The following FBXO42 variants were observed in gnomAD, a reference collection of about 807,000 sequenced individuals.
The protein encoded by FBXO42 is F-box protein 42.
FBXO42 carries 12 observed loss-of-function variants against 71.7 expected under a neutral mutation model. The observed-to-expected ratio is 0.17, with a 90% CI of 0.11 to 0.27. The LOEUF (loss-of-function observed/expected upper bound fraction) is 0.27. Among genes scored for constraint, FBXO42 ranks in the 10% least tolerant of loss-of-function variants. FBXO42 has a pLI of 1.00. For missense variants in FBXO42, 707 were observed against 911.9 expected, an observed-to-expected ratio of 0.78 and a Z score of 2.89; for synonymous variants, 325 against 327.5, an observed-to-expected ratio of 0.99 and a Z score of 0.08.
Position 16,251,109 on chromosome 1 carries a change from G to A in FBXO42, c.1715C>T (p.Ser572Leu), listed in dbSNP as rs760530903. 1.7e-5 allele frequency: 28 copies of A among 1,614,038 alleles called. No homozygotes were observed. Among genetic ancestry groups the A allele is most frequent in the Non-Finnish European group, 2.4e-5 (28 of 1,180,046 alleles). The change falls in exon 10 of 10, where the codon TCG becomes TTG. Residue 572 changes from serine to leucine, a missense_variant. Ser to Leu is a moderately radical substitution (Grantham distance 145). Transcript: ENST00000375592. The surrounding 1 kb of genome is among the most constrained non-coding windows in gnomAD (Gnocchi z 4.5). ...AIKAMSSKGP[S>L]ASAALSPPLG... Reference sequence around the variant, plus strand: ...AGGAGGACTTAGTGCTGCAGAGGCCGAGGGGCCTTTGGAGGACATCGCTTT... The same window carrying A: ...AGGAGGACTTAGTGCTGCAGAGGCCAAGGGGCCTTTGGAGGACATCGCTTT...
chr1:16,281,468 TTTTG>T (rs939792394), intron 4 of FBXO42, among the ~76,000 whole-genome samples: 7 of 147,978 alleles, frequency 4.7e-5, no homozygotes, highest in African/African-American at 1.6e-4. Context: ...CTTTTTCTTT[TTTTG>T]TTTTTTTTTT....
At chr1:16,276,120 G>A (rs2081899877) in intron 4 of FBXO42, among the ~76,000 whole-genome samples, 1 of 152,078 alleles carries the variant, frequency 6.6e-6, no homozygotes, top group Non-Finnish European at 1.5e-5. Flanking sequence ...GGTGGCTCAC[G>A]CCTGTAATCC....
At chr1:16,331,000 A>T (rs1380957902) in intron 1 of FBXO42, among the ~76,000 whole-genome samples, 1 of 152,162 alleles carries the variant, frequency 6.6e-6, no homozygotes, top group East Asian at 1.9e-4. Context: ...GCGTGCCTGT[A>T]GTCCCAACTA....
intron 1 of FBXO42, among the ~76,000 whole-genome samples, chr1:16,347,971 G>A (rs1483832670): frequency 3.0e-5 from 4 of 134,996 alleles, no homozygotes; most frequent in Non-Finnish European, 4.6e-5. Context: ...CTAGCCTGGC[G>A]ACAGACCCGA....
At chr1:16,275,476 G>C (rs1026892117) in intron 4 of FBXO42, among the ~76,000 whole-genome samples, 1 of 152,024 alleles carries the variant, frequency 6.6e-6, no homozygotes, top group Non-Finnish European at 1.5e-5. Flanking sequence ...TAAAATAGCT[G>C]GGCATAGTGG....
chr1:16,329,457 G>A (rs897944906), intron 1 of FBXO42, among the ~76,000 whole-genome samples: 2 of 151,794 alleles, frequency 1.3e-5, no homozygotes, highest in South Asian at 2.1e-4. Context: ...GGCGGTGTGC[G>A]CCTGTAGTCC....
chr1:16,297,069 G>A (rs1183619539), intron 3 of FBXO42, among the ~76,000 whole-genome samples: 4 of 151,642 alleles, frequency 2.6e-5, no homozygotes, highest in African/African-American at 9.7e-5. Context: ...CTCCCGAGTA[G>A]GTGTAACTGG....
At chr1:16,271,082 G>C (rs576192216) in intron 4 of FBXO42, among the ~76,000 whole-genome samples, 1 of 152,116 alleles carries the variant, frequency 6.6e-6, no homozygotes, top group Non-Finnish European at 1.5e-5. Context: ...AGGACATGCA[G>C]GAAGAGTGTT....
In FBXO42 at chr1:16,352,407, G is replaced by A; in HGVS notation, c.-170C>T. 2.5e-6 allele frequency: 1 copy of A among 399,350 alleles called. No homozygotes were observed. Among genetic ancestry groups the A allele is most frequent in the Non-Finnish European group, 4.4e-6 (1 of 226,968 alleles). 24.7% of individuals were successfully genotyped at this position (399,350 alleles called of 1,614,324 possible). ...CTGGCGGGACCCCGAGCCGCCCGGA[G>A]CCGCCATCTTCCTCCACTCAAACGC... On this transcript the variant is annotated 5_prime_UTR_variant, in exon 1 of 10. Transcript: ENST00000375592.
At chr1:16,279,370 C>T (rs2081936718) in intron 4 of FBXO42, among the ~76,000 whole-genome samples, 1 of 152,126 alleles carries the variant, frequency 6.6e-6, no homozygotes, top group South Asian at 2.1e-4. Context: ...TTTGAGGCTG[C>T]AGTGAACTAG....
At chr1:16,326,739 T>G (rs1319350343) in intron 1 of FBXO42, among the ~76,000 whole-genome samples, 1 of 150,476 alleles carries the variant, frequency 6.6e-6, no homozygotes, top group East Asian at 1.9e-4. Flanking sequence ...ATAGGTGATG[T>G]TTTTTCTAGG....
intron 4 of FBXO42, among the ~76,000 whole-genome samples, chr1:16,278,166 G>A (rs1306424068): frequency 6.6e-6 from 1 of 152,032 alleles, no homozygotes; most frequent in Non-Finnish European, 1.5e-5. Flanking sequence ...AGACCACCCT[G>A]ACCAACATGG....
chr1:16,334,766 G>A (rs2082536101), intron 1 of FBXO42, among the ~76,000 whole-genome samples: 1 of 151,986 alleles, frequency 6.6e-6, no homozygotes, highest in Non-Finnish European at 1.5e-5. Flanking sequence ...CCAAATAGGA[G>A]AAATGCTAAA....
At chr1:16,283,050 G>A (rs1031124192) in intron 4 of FBXO42, among the ~76,000 whole-genome samples, 1 of 152,066 alleles carries the variant, frequency 6.6e-6, no homozygotes, top group Non-Finnish European at 1.5e-5. Flanking sequence ...TCTGCTATGG[G>A]GCCAAGGAAC....
intron 4 of FBXO42, among the ~76,000 whole-genome samples, chr1:16,271,264 T>TTG (rs1553150322): frequency 6.1e-4 from 45 of 73,304 alleles, no homozygotes; most frequent in Non-Finnish European, 1.2e-3. Context: ...TGTTGGTGTG[T>TTG]GTGTGTGTGT....
intron 6 of FBXO42, among the ~76,000 whole-genome samples, chr1:16,254,923 G>GT (rs895099788): frequency 3.9e-5 from 6 of 152,092 alleles, no homozygotes; most frequent in African/African-American, 1.4e-4. Flanking sequence ...CATCCCATTT[G>GT]TTTTTTTCTT....
At chr1:16,352,037 C>A (rs565667035) in intron 1 of FBXO42, among the ~76,000 whole-genome samples, 13 of 152,276 alleles carry the variant, frequency 8.5e-5, no homozygotes, top group African/African-American at 3.1e-4. Context: ...GGTGGGTTCG[C>A]TCCCAACCCA....
At position 16,250,580 on chromosome 1, in the gene FBXO42, A is replaced by G; in HGVS notation, c.*90T>C. On this transcript the variant is annotated 3_prime_UTR_variant, in exon 10 of 10. Coordinates refer to ENST00000375592, the MANE Select transcript of FBXO42 (RefSeq NM_018994.3). This position sits in a 1 kb window ranked among gnomAD's most constrained non-coding sequence, Gnocchi z 4.7. ...TAAAGAGTTTTGGCTTCTGGGAGTA[A>G]TTTTGTTTTCCCAATTCTCAGTCCA... 4.1e-6 allele frequency: 6 copies of G among 1,462,264 alleles called. No homozygotes were observed. Among genetic ancestry groups the G allele is most frequent in the Non-Finnish European group, 5.5e-6 (6 of 1,092,698 alleles). The allele number at this position is 1,462,264 out of a possible 1,614,324, so 90.6% of individuals were successfully genotyped here.
Position 16,252,320 on chromosome 1 carries a change from C to A in FBXO42, c.1006G>T (p.Ala336Ser). 3 of 1,614,172 alleles carry A rather than the reference C, an allele frequency of 1.9e-6. No individual in the cohort carries two copies. The highest frequency in any genetic ancestry group is 2.5e-6 in the Non-Finnish European group (3 of 1,179,996). The change falls in exon 9 of 10, where the codon GCC (alanine) becomes TCC (serine). Residue 336 changes from alanine to serine, a missense_variant. By Grantham distance (99) the Ala-to-Ser change is moderately conservative. Transcript: ENST00000375592. The surrounding 1 kb of genome is among the most constrained non-coding windows in gnomAD (Gnocchi z 4.4). ...GCTGGATGGCACCACAGTTCTGGGG[C>A]CCCATGCTCTTCATTTTCTACCTTG... ...PLKVENEEHG[A>S]PELWCHPACR...
Sources: gnomAD v4.1 joint callset for allele counts (sites outside exome capture counted in the v4.1 genomes callset) on GRCh38, gnomAD v4.1.1 for gene constraint, Gnocchi (gnomAD v3.1) non-coding constraint, MANE v1.5 for transcripts, NCBI Gene and HGNC (gene_info 2026-07-23, HGNC 2026-07-21) for gene names.